The following ZNF487 variants were observed in gnomAD, a reference collection of about 807,000 sequenced individuals.
The protein encoded by ZNF487 is zinc finger protein 487, also known as KRAB domain only 1.
Under a neutral mutation model 3.0 loss-of-function variants are expected in ZNF487, and 4 were observed. The ratio of observed to expected loss-of-function variants is 1.35; its 90% CI spans 0.66 to 3.08. ZNF487 has a LOEUF of 3.08. Ranked by LOEUF, ZNF487 falls within the 30% of genes most tolerant of loss-of-function variation. The probability of loss-of-function intolerance (pLI) is 0.01; values close to 1 mark genes in which losing one functional copy is unlikely to be tolerated. For synonymous variants in ZNF487, 55 were observed against 34.6 expected (o/e 1.59, Z -2.06); for missense variants, 146 against 98.7 (o/e 1.48, Z -2.03).
chr10:43,510,835 C>A, the ZNF487 span, among the ~76,000 whole-genome samples: 1 of 152,192 alleles, frequency 6.6e-6, no homozygotes, highest in Non-Finnish European at 1.5e-5. Flanking sequence ...CGTGAGCCAC[C>A]GTGCCCGGCC....
the ZNF487 span, among the ~76,000 whole-genome samples, chr10:43,517,748 T>C: frequency 6.6e-6 from 1 of 152,172 alleles, no homozygotes. Flanking sequence ...TGATGTAGGA[T>C]GGAGCCACAC....
chr10:43,490,033 T>C, the ZNF487 span, among the ~76,000 whole-genome samples: 2 of 152,246 alleles, frequency 1.3e-5, no homozygotes, highest in African/African-American at 2.4e-5. Flanking sequence ...CATATTAATA[T>C]AAAGACAGAA....
At chr10:43,442,617 G>T (rs970595171) in intron 1 of ZNF487, among the ~76,000 whole-genome samples, 8 of 151,804 alleles carry the variant, frequency 5.3e-5, no homozygotes, top group Admixed American at 5.3e-4. Context: ...CTAATTTTTT[G>T]TATTTTTAGT....
downstream of ZNF487, among the ~76,000 whole-genome samples, chr10:43,484,980 C>T (rs1206931603): frequency 2.6e-5 from 4 of 152,184 alleles, no homozygotes; most frequent in Non-Finnish European, 4.4e-5. Flanking sequence ...TGTCTAAGCT[C>T]AACACAATCT....
the ZNF487 span, among the ~76,000 whole-genome samples, chr10:43,521,909 TTATA>T: frequency 1.4e-4 from 12 of 84,824 alleles, no homozygotes; most frequent in Non-Finnish European, 2.4e-4. Flanking sequence ...AAGGATGACT[TTATA>T]TATACAAAAA....
In ZNF487 at chr10:43,482,947, A is replaced by G. The variant is rs1192179406; in HGVS notation, c.*1025A>G. ...AGTGAATGTGGGAAAACCTTCTACC[A>G]GAAGTCATCCCTCACAACACATCAG... is the stretch of plus-strand genomic sequence containing the variant. On this transcript the variant is annotated 3_prime_UTR_variant, in exon 4 of 4. Transcript: ENST00000437590. 3.8e-6 allele frequency: 2 copies of G among 528,092 alleles called. No homozygotes were observed. The highest frequency in any genetic ancestry group is 7.8e-6 in the Non-Finnish European group (2 of 257,896). The allele number at this position is 528,092 out of a possible 1,614,324, so 32.7% of individuals were successfully genotyped here.
chr10:43,493,709 A>AAAAAAAATATAT, the ZNF487 span, among the ~76,000 whole-genome samples: 1 of 43,720 alleles, frequency 2.3e-5, no homozygotes, highest in African/African-American at 8.7e-5. Flanking sequence ...AAAAAAAAAA[A>AAAAAAAATATAT]ATATATATAT....
At chr10:43,523,833 A>C in the ZNF487 span, 5 of 152,136 alleles carry the variant, frequency 3.3e-5, no homozygotes, top group African/African-American at 1.2e-4. Flanking sequence ...TTGCTGTGGG[A>C]GGAGGTCTGT....
chr10:43,480,713 CCT>C (rs1175183649), intron 3 of ZNF487, among the ~76,000 whole-genome samples: 14 of 150,524 alleles, frequency 9.3e-5, no homozygotes, highest in South Asian at 2.1e-4. Context: ...ACTGCGCCCA[CCT>C]CTCTCTCTCT....
intron 1 of ZNF487, among the ~76,000 whole-genome samples, chr10:43,456,978 C>T (rs897352478): frequency 7.2e-5 from 11 of 152,120 alleles, no homozygotes; most frequent in African/African-American, 2.7e-4. Flanking sequence ...TGCCAATTAC[C>T]GCAGGTGGCC....
intron 1 of ZNF487, among the ~76,000 whole-genome samples, chr10:43,455,412 C>G (rs527437193): frequency 7.9e-5 from 12 of 152,240 alleles, no homozygotes; most frequent in African/African-American, 2.7e-4. Context: ...TACCAACCAC[C>G]ACATCACTCA....
chr10:43,493,633 G>C, the ZNF487 span, among the ~76,000 whole-genome samples: 1 of 145,682 alleles, frequency 6.9e-6, no homozygotes. Flanking sequence ...CGAGGCTGCA[G>C]TGAGCCATGA....
At chr10:43,448,850 G>A (rs1037726121) in intron 1 of ZNF487, among the ~76,000 whole-genome samples, 2 of 151,870 alleles carry the variant, frequency 1.3e-5, no homozygotes, top group Non-Finnish European at 2.9e-5. Flanking sequence ...AAAAAAATGA[G>A]CTGGGCATTG....
the ZNF487 span, among the ~76,000 whole-genome samples, chr10:43,518,370 A>G: frequency 1.3e-5 from 2 of 152,146 alleles, no homozygotes; most frequent in Non-Finnish European, 2.9e-5. Context: ...GTGTATCACT[A>G]TTGCTACAGA....
Position 43,451,402 on chromosome 10 carries a change from G to C in ZNF487, c.-94+14140G>C, listed in dbSNP as rs1372907834. On this transcript the variant is annotated intron_variant, in intron 1 of 3. Transcript: ENST00000437590. ...CTGGGATTACAGGTGTGCGCCACCA[G>C]GCCTGGCTAATTTTGTATTTTTAGT... 7.5e-4 allele frequency among the ~76,000 whole-genome samples: 104 copies of C among 137,914 alleles called. No individual in the cohort carries two copies. In the Middle Eastern group the frequency reaches 0.015, roughly 20 times the overall value. 90.5% of individuals were successfully genotyped at this position (137,914 alleles called of 152,430 possible).
intron 1 of ZNF487, among the ~76,000 whole-genome samples, chr10:43,472,855 A>G (rs1023671826): frequency 6.6e-6 from 1 of 151,958 alleles, no homozygotes. Context: ...ATTTATAAGC[A>G]TTTATAATTA....
the ZNF487 span, among the ~76,000 whole-genome samples, chr10:43,492,454 T>C: frequency 3.3e-5 from 2 of 61,054 alleles, no homozygotes; most frequent in Non-Finnish European, 9.0e-5. Flanking sequence ...TATTTTATTT[T>C]ATTTTATTTT....
the ZNF487 span, among the ~76,000 whole-genome samples, chr10:43,489,768 G>A: frequency 6.6e-6 from 1 of 152,176 alleles, no homozygotes; most frequent in Non-Finnish European, 1.5e-5. Context: ...TAGTTTCACT[G>A]AGAAAGGTAC....
intron 1 of ZNF487, 78 bp from the exon 2 acceptor site, chr10:43,475,643 C>G: frequency 1.4e-6 from 1 of 733,226 alleles, no homozygotes; most frequent in South Asian, 1.4e-5. Flanking sequence ...GTGAACATGA[C>G]AAGGTGTTAG....
Sources: allele counts gnomAD v4.1 joint callset (sites outside exome capture counted in the v4.1 genomes callset), GRCh38; gene constraint gnomAD v4.1.1; transcripts MANE v1.5; gene names NCBI Gene and HGNC (gene_info 2026-07-23, HGNC 2026-07-21).